The following EPHA6 variants were observed in gnomAD, a reference collection of about 807,000 sequenced individuals.
The protein encoded by EPHA6 is ephrin type-A receptor 6.
A neutral mutation model predicts 112.0 loss-of-function variants in EPHA6; 50 were observed. The observed-to-expected ratio is 0.45, with a 90% confidence interval of 0.36 to 0.56. EPHA6 has a LOEUF of 0.56. Ranked by LOEUF, EPHA6 falls within the 20% of genes least tolerant of loss-of-function variation. The pLI, the probability that EPHA6 is intolerant of heterozygous loss-of-function variation, is 0.00. For missense variants in EPHA6, 1,280 were observed against 1,417.4 expected (o/e 0.90, Z 1.56); for synonymous variants, 529 against 490.7 (o/e 1.08, Z -1.03).
intron 14 of EPHA6, among the ~76,000 whole-genome samples, chr3:97,706,954 G>A (rs998365136): frequency 1.3e-5 from 2 of 152,082 alleles, no homozygotes; most frequent in Non-Finnish European, 2.9e-5. Context: ...CTAGCACCTG[G>A]CATGTGAGAT....
chr3:97,610,312 G>GA (rs1195656635), intron 12 of EPHA6, among the ~76,000 whole-genome samples: 1 of 151,572 alleles, frequency 6.6e-6, no homozygotes, highest in African/African-American at 2.4e-5. Context: ...TTCTTTGAGA[G>GA]AATTTATGAG....
At chr3:97,741,410 T>C (rs2035500238) in intron 16 of EPHA6, among the ~76,000 whole-genome samples, 1 of 152,006 alleles carries the variant, frequency 6.6e-6, no homozygotes, top group South Asian at 2.1e-4. Context: ...ACAAGATCTT[T>C]ATAATATAAT....
chr3:97,194,360 A>G (rs528221049), intron 3 of EPHA6, among the ~76,000 whole-genome samples: 18 of 151,596 alleles, frequency 1.2e-4, no homozygotes, highest in African/African-American at 4.1e-4. Flanking sequence ...TAAGATTTTC[A>G]TGTGTTTTGA....
chr3:97,547,717 G>A (rs1036770329), intron 11 of EPHA6, among the ~76,000 whole-genome samples: 6 of 152,164 alleles, frequency 3.9e-5, no homozygotes, highest in South Asian at 2.1e-4. Flanking sequence ...CACCCAGTTC[G>A]AGCTTCCCAG....
At chr3:97,458,899 A>C (rs182536357) in intron 7 of EPHA6, among the ~76,000 whole-genome samples, 3 of 152,316 alleles carry the variant, frequency 2.0e-5, no homozygotes, top group Admixed American at 6.5e-5. Flanking sequence ...ACAAAAAAGG[A>C]TAAACCAGTT....
At chr3:96,950,467 C>T (rs531084751) in intron 2 of EPHA6, among the ~76,000 whole-genome samples, 4 of 152,152 alleles carry the variant, frequency 2.6e-5, no homozygotes, top group Admixed American at 2.0e-4. Context: ...GAGGTTGCAG[C>T]TTTGTGAAGT....
intron 10 of EPHA6, among the ~76,000 whole-genome samples, chr3:97,495,807 G>A (rs2107537393): frequency 6.6e-6 from 1 of 152,126 alleles, no homozygotes; most frequent in East Asian, 1.9e-4. Flanking sequence ...TTTTGTAGTT[G>A]CCTATCTCTC....
chr3:97,299,933 A>T (rs146600020), intron 5 of EPHA6, among the ~76,000 whole-genome samples: 2 of 152,298 alleles, frequency 1.3e-5, no homozygotes, highest in East Asian at 1.9e-4. Context: ...AATAGATTGC[A>T]TACCGTTGTT....
intron 10 of EPHA6, among the ~76,000 whole-genome samples, chr3:97,495,013 A>C (rs2091940177): frequency 6.6e-6 from 1 of 152,114 alleles, no homozygotes. Flanking sequence ...TTTTCTAATC[A>C]ATGTGAGAAC....
intron 3 of EPHA6, among the ~76,000 whole-genome samples, chr3:97,203,492 C>T (rs765023148): frequency 1.3e-4 from 20 of 151,926 alleles, no homozygotes; most frequent in Non-Finnish European, 1.2e-4. Context: ...TTAACAAAAC[C>T]GTGTAGTGCC....
chr3:97,661,003 C>T (rs956266103), intron 14 of EPHA6, among the ~76,000 whole-genome samples: 8 of 152,066 alleles, frequency 5.3e-5, no homozygotes, highest in African/African-American at 1.9e-4. Context: ...TCAAAGTACA[C>T]TTCAGTTACA....
chr3:96,873,303 T>C (rs1433138014), intron 2 of EPHA6, among the ~76,000 whole-genome samples: 1 of 151,966 alleles, frequency 6.6e-6, no homozygotes, highest in Non-Finnish European at 1.5e-5. Context: ...TATCCACCAG[T>C]CCATCTCTCC....
At chr3:96,945,070 A>G (rs566364401) in intron 2 of EPHA6, among the ~76,000 whole-genome samples, 4 of 152,306 alleles carry the variant, frequency 2.6e-5, no homozygotes, top group African/African-American at 4.8e-5. Context: ...TTGGAGTTCT[A>G]CTTAATTTTA....
At chr3:97,496,050 A>G (rs1364812249) in intron 10 of EPHA6, among the ~76,000 whole-genome samples, 1 of 152,208 alleles carries the variant, frequency 6.6e-6, no homozygotes, top group Non-Finnish European at 1.5e-5. Flanking sequence ...AAAGACGGAC[A>G]CAGCAGCGAG....
At chr3:96,975,610 A>C (rs1680600371) in intron 2 of EPHA6, among the ~76,000 whole-genome samples, 1 of 152,346 alleles carries the variant, frequency 6.6e-6, no homozygotes, top group South Asian at 2.1e-4. Context: ...AAGGATCATT[A>C]CATCCAAGGT....
intron 5 of EPHA6, among the ~76,000 whole-genome samples, chr3:97,382,434 G>A (rs2085808382): frequency 6.6e-6 from 1 of 152,002 alleles, no homozygotes; most frequent in Non-Finnish European, 1.5e-5. Flanking sequence ...TAATAGAAAG[G>A]AAGACTTTGA....
chr3:97,069,542 A>G (rs1271991560), intron 3 of EPHA6, among the ~76,000 whole-genome samples: 1 of 152,120 alleles, frequency 6.6e-6, no homozygotes, highest in East Asian at 1.9e-4. Flanking sequence ...GTGAGGAGAA[A>G]TTTACTTCTA....
At chr3:97,374,836 T>A (rs1241120395) in intron 5 of EPHA6, among the ~76,000 whole-genome samples, 1 of 151,398 alleles carries the variant, frequency 6.6e-6, no homozygotes, top group Non-Finnish European at 1.5e-5. Flanking sequence ...CATTACTACT[T>A]TTTTACCAAA....
At chr3:97,635,877 A>G (rs1366071257) in intron 13 of EPHA6, among the ~76,000 whole-genome samples, 4 of 152,142 alleles carry the variant, frequency 2.6e-5, no homozygotes, top group Admixed American at 2.0e-4. Flanking sequence ...AGAACATTAA[A>G]TTTCAACCTG....
Sources: gnomAD v4.1 joint callset for allele counts (sites outside exome capture counted in the v4.1 genomes callset) on GRCh38, gnomAD v4.1.1 for gene constraint, MANE v1.5 for transcripts, NCBI Gene and HGNC (gene_info 2026-07-23, HGNC 2026-07-21) for gene names.